LRRTM4: variants seen among roughly 807,000 people sequenced by gnomAD.
LRRTM4 encodes the protein leucine rich repeat transmembrane neuronal 4.
In LRRTM4, 25 loss-of-function variants were observed where a neutral mutation model predicts 47.6. The ratio of observed to expected loss-of-function variants is 0.53; its 90% CI spans 0.38 to 0.73. LRRTM4 has a LOEUF of 0.73. Among genes scored for constraint, LRRTM4 ranks in the 30% least tolerant of loss-of-function variants. The pLI, the probability that LRRTM4 is intolerant of heterozygous loss-of-function variation, is 0.00. For missense variants in LRRTM4, 638 were observed against 713.4 expected (o/e 0.89, Z 1.20); for synonymous variants, 311 against 269.5 (o/e 1.15, Z -1.51).
intron 3 of LRRTM4, among the ~76,000 whole-genome samples, chr2:76,756,890 T>C (rs755217326): frequency 3.3e-4 from 50 of 152,252 alleles, no homozygotes; most frequent in Middle Eastern, 3.4e-3. Context: ...AACTCCCTCA[T>C]CTAAAACGTT....
chr2:76,971,166 A>C (rs1676207074), intron 3 of LRRTM4, among the ~76,000 whole-genome samples: 1 of 152,024 alleles, frequency 6.6e-6, no homozygotes, highest in African/African-American at 2.4e-5. Flanking sequence ...CAGTTAAAAC[A>C]GACTCTTAAT....
intron 3 of LRRTM4, among the ~76,000 whole-genome samples, chr2:77,250,830 G>A (rs536216962): frequency 3.0e-4 from 45 of 152,202 alleles, no homozygotes; most frequent in South Asian, 4.1e-4. Flanking sequence ...GCAGCCGGGC[G>A]TGATGGCTCA....
chr2:76,789,526 G>A (rs959137953), intron 3 of LRRTM4, among the ~76,000 whole-genome samples: 3 of 152,078 alleles, frequency 2.0e-5, no homozygotes, highest in Non-Finnish European at 4.4e-5. Flanking sequence ...CATAATGAGG[G>A]TTTGTTTCTG....
chr2:77,078,379 C>CA (rs1680416450), intron 3 of LRRTM4, among the ~76,000 whole-genome samples: 11 of 111,114 alleles, frequency 9.9e-5, no homozygotes, highest in Admixed American at 7.4e-4. Flanking sequence ...TACACACACA[C>CA]CCACACACAC....
chr2:76,854,848 G>A (rs1260745256), intron 3 of LRRTM4, among the ~76,000 whole-genome samples: 1 of 149,018 alleles, frequency 6.7e-6, no homozygotes. Flanking sequence ...ATTCTATAAG[G>A]GCGAGAAAGA....
chr2:77,052,460 T>C (rs368110142), intron 3 of LRRTM4, among the ~76,000 whole-genome samples: 7 of 151,946 alleles, frequency 4.6e-5, no homozygotes, highest in South Asian at 4.2e-4. Flanking sequence ...TGAGCCACCA[T>C]GCCCAGCCGA....
At chr2:77,196,704 G>A (rs1673836375) in intron 3 of LRRTM4, among the ~76,000 whole-genome samples, 1 of 152,102 alleles carries the variant, frequency 6.6e-6, no homozygotes, top group African/African-American at 2.4e-5. Context: ...ACGTGCCACT[G>A]CAATCCAGTT....
chr2:77,045,839 A>G lies in LRRTM4; in HGVS notation c.1552-296923T>C, dbSNP rs1439848192. 3.3e-5 allele frequency among the ~76,000 whole-genome samples: 5 copies of G among 151,858 alleles called. No homozygotes were observed. The East Asian group carries it at 9.7e-4, about 29-fold the overall frequency. ...GGACAAGCACAGCATTTTTTTTGCT[A>G]TCATCTGATATCCAGCCCATAATCA... is the stretch of plus-strand genomic sequence containing the variant. On this transcript the variant is annotated intron_variant, in intron 3 of 3. Transcript: ENST00000409884.
At chr2:76,794,488 TATTACTG>T (rs1307794213) in intron 3 of LRRTM4, among the ~76,000 whole-genome samples, 1 of 152,208 alleles carries the variant, frequency 6.6e-6, no homozygotes, top group Non-Finnish European at 1.5e-5. Context: ...AAATTTCACT[TATTACTG>T]GTATAGGCAA....
At chr2:76,812,142 A>C (rs1431223928) in intron 3 of LRRTM4, among the ~76,000 whole-genome samples, 1 of 152,208 alleles carries the variant, frequency 6.6e-6, no homozygotes, top group Non-Finnish European at 1.5e-5. Flanking sequence ...ACTGAATAAT[A>C]AACACAGCTA....
chr2:77,520,333 T>C (rs537027525), intron 2 of LRRTM4, among the ~76,000 whole-genome samples: 1 of 152,176 alleles, frequency 6.6e-6, no homozygotes, highest in East Asian at 1.9e-4. Context: ...GCAAAAGAGC[T>C]TCAGTAAGCT....
chr2:77,323,895 C>A (rs973218133), intron 3 of LRRTM4, among the ~76,000 whole-genome samples: 2 of 151,936 alleles, frequency 1.3e-5, no homozygotes, highest in Non-Finnish European at 1.5e-5. Context: ...TAGTCCCTAG[C>A]TGATATAAGA....
chr2:76,918,208 T>G (rs1048184954), intron 3 of LRRTM4, among the ~76,000 whole-genome samples: 3 of 152,232 alleles, frequency 2.0e-5, no homozygotes, highest in Non-Finnish European at 2.9e-5. Context: ...AATGTCTGCT[T>G]TCTTAATCCA....
At chr2:76,807,471 C>CATACATATATATATATACAT (rs1670553624) in intron 3 of LRRTM4, among the ~76,000 whole-genome samples, 1 of 97,482 alleles carries the variant, frequency 1.0e-5, no homozygotes. Flanking sequence ...TATATATATA[C>CATACATATATATATATACAT]ATATATATAT....
At chr2:77,451,446 G>A (rs1156603708) in intron 3 of LRRTM4, among the ~76,000 whole-genome samples, 1 of 152,180 alleles carries the variant, frequency 6.6e-6, no homozygotes, top group Non-Finnish European at 1.5e-5. Context: ...GACTTGATTA[G>A]AGGTGAGACT....
intron 3 of LRRTM4, among the ~76,000 whole-genome samples, chr2:76,837,984 C>A (rs928486367): frequency 6.6e-6 from 1 of 151,454 alleles, no homozygotes; most frequent in Admixed American, 6.6e-5. Context: ...ATACCTAATG[C>A]TAAATGACGA....
At chr2:77,000,159 G>A (rs115963508) in intron 3 of LRRTM4, among the ~76,000 whole-genome samples, 21,287 of 130,728 alleles carry the variant, frequency 0.16, 1,591 homozygotes, top group Admixed American at 0.24. Context: ...AAGTATGTCC[G>A]TAGATGGAAA....
intron 3 of LRRTM4, among the ~76,000 whole-genome samples, chr2:77,031,980 T>G (rs561034208): frequency 1.3e-5 from 2 of 152,164 alleles, no homozygotes; most frequent in Non-Finnish European, 2.9e-5. Context: ...CGCATCTCAT[T>G]TCTTCGCAAA....
At chr2:76,766,036 G>T (rs927268481) in intron 3 of LRRTM4, among the ~76,000 whole-genome samples, 2 of 152,138 alleles carry the variant, frequency 1.3e-5, no homozygotes, top group African/African-American at 4.8e-5. Flanking sequence ...TGGACTGAGA[G>T]GAAGACCACA....
Sources: allele counts gnomAD v4.1 joint callset (sites outside exome capture counted in the v4.1 genomes callset), GRCh38; gene constraint gnomAD v4.1.1; transcripts MANE v1.5; gene names NCBI Gene and HGNC (gene_info 2026-07-23, HGNC 2026-07-21).